RBFOX1: variants seen among roughly 807,000 people sequenced by gnomAD.
RBFOX1 encodes the protein RNA binding fox-1 homolog 1.
RBFOX1 carries 8 observed loss-of-function variants against 57.7 expected under a neutral mutation model. The observed-to-expected ratio is 0.14, with a 90% CI of 0.08 to 0.25. The LOEUF is 0.25. Ranked by LOEUF, RBFOX1 falls within the 10% of genes least tolerant of loss-of-function variation. The pLI is 1.00. For synonymous variants in RBFOX1, 326 were observed against 222.4 expected (o/e 1.47, Z -4.15); for missense variants, 611 against 548.5 (o/e 1.11, Z -1.14).
chr16:6,908,636 C>G (rs868486568), intron 3 of RBFOX1, among the ~76,000 whole-genome samples: 5 of 152,300 alleles, frequency 3.3e-5, no homozygotes, highest in Middle Eastern at 3.4e-3. Context: ...TGAATCCTAT[C>G]CTATTTCTTC....
chr16:7,213,009 A>G (rs183134126), intron 4 of RBFOX1, among the ~76,000 whole-genome samples: 258 of 152,262 alleles, frequency 1.7e-3, no homozygotes, highest in Admixed American at 3.3e-3. Context: ...TGTAAGGCAA[A>G]TATGATTGTG....
chr16:6,283,846 G>A (rs1300316062), intron 1 of RBFOX1, among the ~76,000 whole-genome samples: 1 of 152,196 alleles, frequency 6.6e-6, no homozygotes, highest in Non-Finnish European at 1.5e-5. Context: ...TACCTGCAAT[G>A]GCACTTTTAA....
chr16:5,629,361 A>G (rs2048436233), intron 3 of RBFOX1, among the ~76,000 whole-genome samples: 1 of 152,204 alleles, frequency 6.6e-6, no homozygotes, highest in African/African-American at 2.4e-5. Context: ...ACCCAGCTAT[A>G]AACCCACACA....
chr16:6,230,420 C>G (rs919937595), intron 1 of RBFOX1, among the ~76,000 whole-genome samples: 6 of 152,146 alleles, frequency 3.9e-5, no homozygotes, highest in Admixed American at 6.5e-5. Context: ...CGCTATTATT[C>G]TGTGGAGTGC....
chr16:7,323,126 T>C (rs2096567185), intron 4 of RBFOX1, among the ~76,000 whole-genome samples: 1 of 152,126 alleles, frequency 6.6e-6, no homozygotes, highest in African/African-American at 2.4e-5. Flanking sequence ...CAGATTGAGT[T>C]AAAATGTCCA....
chr16:5,839,556 C>G (rs2056563251), intron 3 of RBFOX1, among the ~76,000 whole-genome samples: 1 of 152,140 alleles, frequency 6.6e-6, no homozygotes, highest in African/African-American at 2.4e-5. Flanking sequence ...AAACAACATA[C>G]CTGGCCATCA....
rs1176466421 is a variant in RBFOX1, at chr16:7,536,628, A to G, written c.270+18239A>G. Among the ~76,000 whole-genome samples the G allele has an allele frequency of 2.6e-5, 4 of 152,228 alleles. No individual in the cohort carries two copies. The East Asian group carries it at 5.8e-4, about 22-fold the overall frequency. ...ATAATAATTAATAAATAAAAGAAAGACATGCAGAGAAAGGTGGGTGGATGT... is the reference window on the plus strand; with the variant it reads ...ATAATAATTAATAAATAAAAGAAAGGCATGCAGAGAAAGGTGGGTGGATGT... On this transcript the variant is annotated intron_variant, in intron 5 of 15. Transcript: ENST00000550418.
At chr16:6,706,008 A>C (rs1006981107) in intron 3 of RBFOX1, among the ~76,000 whole-genome samples, 8 of 152,052 alleles carry the variant, frequency 5.3e-5, no homozygotes, top group Non-Finnish European at 8.8e-5. Context: ...AAAGAGCAAG[A>C]CTCTGTCTTA....
rs1208337660 is a variant in RBFOX1, at chr16:6,644,578, A to G, written c.-63-10025A>G. On this transcript the variant is annotated intron_variant, in intron 2 of 15. Coordinates refer to ENST00000550418, the MANE Select transcript of RBFOX1 (RefSeq NM_018723.4). The stretch of plus-strand genomic sequence containing the variant: ...TATGAAAAGCTCTCTGGGACTTTGT[A>G]TTTGAGTCCAGGAGAACAATGCTGT... Among the ~76,000 whole-genome samples, 2 of 152,156 alleles carry G rather than the reference A, an allele frequency of 1.3e-5. 1 individual carries two copies. Among genetic ancestry groups the G allele is most frequent in the African/African-American group, 4.8e-5 (2 of 41,438 alleles).
At chr16:6,405,362 A>C (rs1212586479) in intron 2 of RBFOX1, among the ~76,000 whole-genome samples, 1 of 152,194 alleles carries the variant, frequency 6.6e-6, no homozygotes, top group African/African-American at 2.4e-5. Context: ...ATAGCTTCAT[A>C]AAACAAAGCT....
chr16:6,978,714 T>C (rs2153584113), intron 3 of RBFOX1, among the ~76,000 whole-genome samples: 1 of 152,344 alleles, frequency 6.6e-6, no homozygotes, highest in South Asian at 2.1e-4. Context: ...CAGGATGTGA[T>C]AAATCTCAGA....
intron 2 of RBFOX1, among the ~76,000 whole-genome samples, chr16:6,477,197 C>T (rs576877922): frequency 2.3e-4 from 35 of 152,316 alleles, no homozygotes; most frequent in South Asian, 1.7e-3. Context: ...TTCCATGAAT[C>T]TTGAATGTTC....
At chr16:5,556,939 A>C (rs1161001281) in intron 2 of RBFOX1, among the ~76,000 whole-genome samples, 1 of 152,122 alleles carries the variant, frequency 6.6e-6, no homozygotes, top group Non-Finnish European at 1.5e-5. Context: ...CTGAAGCTAG[A>C]ATTTCCTCAT....
At chr16:7,596,100 TTTTG>T (rs1317166578) in intron 8 of RBFOX1, among the ~76,000 whole-genome samples, 7 of 131,282 alleles carry the variant, frequency 5.3e-5, no homozygotes, top group East Asian at 4.1e-4. Flanking sequence ...GTTTGTTTTT[TTTTG>T]TTTGTTTGTT....
rs11642233 is a variant in RBFOX1, at chr16:6,070,027, T to G, written c.-127+50035T>G. ...CCCCCAAAACCAAACAAAAAGTAACTAAGTAGAGTAAAATCTACTTTCATA... is the reference window on the plus strand; with the variant it reads ...CCCCCAAAACCAAACAAAAAGTAACGAAGTAGAGTAAAATCTACTTTCATA... On this transcript the variant is annotated intron_variant, in intron 1 of 15. Transcript: ENST00000550418. Among the ~76,000 whole-genome samples the G allele has an allele frequency of 2.6e-5, 4 of 152,150 alleles. No individual in the cohort carries two copies. In the East Asian group the frequency reaches 7.7e-4, roughly 29 times the overall value.
Position 6,613,243 on chromosome 16 carries a change from T to C in RBFOX1, c.-63-41360T>C, listed in dbSNP as rs141927677. On this transcript the variant is annotated intron_variant, in intron 2 of 15. Transcript: ENST00000550418. ...CTGTGCACTTCCCTTCCCTGTCATA[T>C]GCTTGGCTGTCATCTTTGCTAAAGG... 4.4e-3 allele frequency among the ~76,000 whole-genome samples: 672 copies of C among 152,250 alleles called. 9 individuals are homozygous for C. The highest frequency in any genetic ancestry group is 0.015 in the African/African-American group (604 of 41,552).
intron 1 of RBFOX1, among the ~76,000 whole-genome samples, chr16:6,048,375 G>A (rs1375638467): frequency 6.6e-6 from 1 of 152,104 alleles, no homozygotes; most frequent in Non-Finnish European, 1.5e-5. Context: ...TTTACTTCAA[G>A]AATCTCTCAT....
chr16:7,658,710 G>T (rs2066938193), intron 12 of RBFOX1, among the ~76,000 whole-genome samples: 1 of 152,154 alleles, frequency 6.6e-6, no homozygotes, highest in African/African-American at 2.4e-5. Context: ...GTACAATGGG[G>T]TGCTCTAATG....
At chr16:5,792,523 T>C (rs1026459680) in intron 3 of RBFOX1, among the ~76,000 whole-genome samples, 4 of 152,126 alleles carry the variant, frequency 2.6e-5, no homozygotes, top group Non-Finnish European at 5.9e-5. Context: ...TAAGGTAAGG[T>C]AGAGAAAAGA....
Sources: gnomAD v4.1 joint callset for allele counts (sites outside exome capture counted in the v4.1 genomes callset) on GRCh38, gnomAD v4.1.1 for gene constraint, MANE v1.5 for transcripts, NCBI Gene and HGNC (gene_info 2026-07-23, HGNC 2026-07-21) for gene names.